Variants in MCU observed in about 807,000 individuals in gnomAD.
MCU encodes mitochondrial calcium uniporter, also known as calcium uniporter protein, mitochondrial.
MCU carries 12 observed loss-of-function variants against 45.2 expected under a neutral mutation model. The ratio of observed to expected loss-of-function variants is 0.27; its 90% CI spans 0.17 to 0.43. The LOEUF (loss-of-function observed/expected upper bound fraction) is 0.43. Among genes scored for constraint, MCU ranks in the 20% least tolerant of loss-of-function variants. The probability of loss-of-function intolerance (pLI) is 1.00; values close to 1 mark genes in which losing one functional copy is unlikely to be tolerated. For missense variants in MCU, 324 were observed against 436.7 expected (o/e 0.74, Z 2.30); for synonymous variants, 160 against 165.1 (o/e 0.97, Z 0.24).
At chr10:72,771,086 A>G (rs1313194678) in intron 1 of MCU, among the ~76,000 whole-genome samples, 4 of 152,176 alleles carry the variant, frequency 2.6e-5, no homozygotes, top group African/African-American at 9.7e-5. Context: ...TCTGGGATAC[A>G]TGTGCAGAAC....
intron 2 of MCU, among the ~76,000 whole-genome samples, chr10:72,850,720 G>T (rs1845195758): frequency 6.6e-6 from 1 of 151,964 alleles, no homozygotes; most frequent in African/African-American, 2.4e-5. Context: ...GCCTAAATCT[G>T]TTATCATGTT....
intron 5 of MCU, 127 bp downstream of exon 5, chr10:72,868,990 G>GTTCA: frequency 3.1e-6 from 3 of 962,022 alleles, no homozygotes; most frequent in Non-Finnish European, 3.0e-6. Context: ...TTAGTTTATG[G>GTTCA]GACTGAACCA....
intron 1 of MCU, among the ~76,000 whole-genome samples, chr10:72,726,878 T>C (rs1008339710): frequency 3.9e-5 from 6 of 152,350 alleles, no homozygotes; most frequent in Middle Eastern, 3.4e-3. Flanking sequence ...AAAAAGACTT[T>C]AAGAGTTCTA....
rs185370355 is a variant in MCU at position 72,818,189 on chromosome 10, C to G, written c.151-16170C>G. On this transcript the variant is annotated intron_variant, in intron 1 of 7. Coordinates refer to ENST00000373053, the MANE Select transcript of MCU (RefSeq NM_138357.3). ...TTGATTTAAAATGAAAAGTTCCTCTCTAACCTAGGTCACCTGTGACTTTTC... is the reference window on the plus strand; with the variant it reads ...TTGATTTAAAATGAAAAGTTCCTCTGTAACCTAGGTCACCTGTGACTTTTC... 2.8e-3 allele frequency among the ~76,000 whole-genome samples: 433 copies of G among 152,314 alleles called. 1 individual carries two copies. The highest frequency in any genetic ancestry group is 4.8e-3 in the Non-Finnish European group (328 of 68,024).
intron 1 of MCU, among the ~76,000 whole-genome samples, chr10:72,808,122 A>G (rs1844480256): frequency 6.6e-6 from 1 of 152,180 alleles, no homozygotes; most frequent in Non-Finnish European, 1.5e-5. Context: ...TATTATCACC[A>G]CTAATGGATA....
intron 2 of MCU, among the ~76,000 whole-genome samples, chr10:72,835,116 C>T (rs906772517): frequency 6.6e-6 from 1 of 152,198 alleles, no homozygotes; most frequent in Non-Finnish European, 1.5e-5. Flanking sequence ...TCTGAGACCT[C>T]CTGCTCTTGC....
chr10:72,864,691 G>A (rs935161000), intron 4 of MCU, among the ~76,000 whole-genome samples: 2 of 152,158 alleles, frequency 1.3e-5, no homozygotes, highest in African/African-American at 4.8e-5. Flanking sequence ...TTGCAGGGGG[G>A]TGGTGCCCCA....
At chr10:72,784,332 T>C (rs1844040477) in intron 1 of MCU, among the ~76,000 whole-genome samples, 1 of 152,260 alleles carries the variant, frequency 6.6e-6, no homozygotes, top group African/African-American at 2.4e-5. Flanking sequence ...TTTTGATAGA[T>C]CTCTTAGAAG....
At chr10:72,703,157 C>T (rs1240625303) in intron 1 of MCU, among the ~76,000 whole-genome samples, 1 of 152,150 alleles carries the variant, frequency 6.6e-6, no homozygotes, top group Non-Finnish European at 1.5e-5. Flanking sequence ...GGAGATTAGG[C>T]TGGACAATAG....
intron 1 of MCU, among the ~76,000 whole-genome samples, chr10:72,725,907 A>G (rs921290474): frequency 9.9e-5 from 15 of 152,076 alleles, no homozygotes; most frequent in East Asian, 9.7e-4. Context: ...AAATTAATCT[A>G]TGTGTTTATA....
chr10:72,823,553 C>G (rs1225018382), intron 1 of MCU, among the ~76,000 whole-genome samples: 6 of 152,084 alleles, frequency 3.9e-5, no homozygotes, highest in African/African-American at 1.4e-4. Context: ...ATTTGATCTT[C>G]CCTTTTATAC....
At chr10:72,784,623 C>T (rs1405244393) in intron 1 of MCU, among the ~76,000 whole-genome samples, 1 of 152,140 alleles carries the variant, frequency 6.6e-6, no homozygotes, top group African/African-American at 2.4e-5. Context: ...TATCCAGTAG[C>T]TTCTGAAAAT....
chr10:72,755,344 C>T (rs1476052701), intron 1 of MCU, among the ~76,000 whole-genome samples: 1 of 152,018 alleles, frequency 6.6e-6, no homozygotes, highest in Non-Finnish European at 1.5e-5. Context: ...GACGGGGTTT[C>T]AGCATGTGGA....
chr10:72,759,290 A>G (rs1278313160), intron 1 of MCU, among the ~76,000 whole-genome samples: 1 of 152,174 alleles, frequency 6.6e-6, no homozygotes, highest in African/African-American at 2.4e-5. Flanking sequence ...GGGGTACATG[A>G]CTGGGGGCTG....
chr10:72,702,043 C>G (rs141806645), intron 1 of MCU, among the ~76,000 whole-genome samples: 1 of 151,562 alleles, frequency 6.6e-6, no homozygotes, highest in Admixed American at 6.6e-5. Context: ...AGTTCAGGAC[C>G]AGCCTGACCA....
chr10:72,771,211 C>T (rs1564551875), intron 1 of MCU, among the ~76,000 whole-genome samples: 1 of 152,128 alleles, frequency 6.6e-6, no homozygotes. Flanking sequence ...CCCCCTAATC[C>T]CTGACAGGCC....
In MCU at chr10:72,695,121, T is replaced by A. The variant is rs1035956132; in HGVS notation, c.150+2820T>A. 2.6e-5 allele frequency among the ~76,000 whole-genome samples: 4 copies of A among 152,332 alleles called. No homozygotes were observed. In the East Asian group the frequency reaches 7.7e-4, roughly 29 times the overall value. ...TGATTCTTCGAAGAGGAACTGCCTT[T>A]CATTGTGAGCTGTGTAATTCCATTG... On this transcript the variant is annotated intron_variant, in intron 1 of 7. Coordinates refer to ENST00000373053, the MANE Select transcript of MCU (RefSeq NM_138357.3).
intron 1 of MCU, 74 bp downstream of exon 1, chr10:72,692,375 C>T: frequency 1.8e-6 from 2 of 1,097,938 alleles, no homozygotes; most frequent in Non-Finnish European, 2.2e-6. Context: ...GCGGGCAGGC[C>T]GCCGGGGCAG....
chr10:72,802,063 T>C (rs1220959073), intron 1 of MCU, among the ~76,000 whole-genome samples: 1 of 152,142 alleles, frequency 6.6e-6, no homozygotes, highest in Non-Finnish European at 1.5e-5. Context: ...ATACCAAGCG[T>C]TCAACACAAA....
Sources: allele counts gnomAD v4.1 joint callset (sites outside exome capture counted in the v4.1 genomes callset), GRCh38; gene constraint gnomAD v4.1.1; transcripts MANE v1.5; gene names NCBI Gene and HGNC (gene_info 2026-07-23, HGNC 2026-07-21).